Variants in CPEB3 observed in about 807,000 individuals in gnomAD.
CPEB3 encodes the protein cytoplasmic polyadenylation element binding protein 3, also known as cytoplasmic polyadenylation element-binding protein 3.
Under a neutral mutation model 67.2 loss-of-function variants are expected in CPEB3, and 20 were observed. That is an observed-to-expected ratio of 0.30 (90% CI 0.21 to 0.43). CPEB3 has a LOEUF of 0.43. CPEB3 is among the 20% of genes least tolerant of loss of function. The probability of loss-of-function intolerance (pLI) is 1.00; values close to 1 mark genes in which losing one functional copy is unlikely to be tolerated. For missense variants in CPEB3, 746 were observed against 968.6 expected, an observed-to-expected ratio of 0.77 and a Z score of 3.05; for synonymous variants, 376 against 393.1, an observed-to-expected ratio of 0.96 and a Z score of 0.51.
chr10:92,259,372 T>G (rs1852687647), intron 1 of CPEB3, among the ~76,000 whole-genome samples: 1 of 151,714 alleles, frequency 6.6e-6, no homozygotes, highest in African/African-American at 2.4e-5. Flanking sequence ...GAAGCCGAGG[T>G]GGGCAGATCA....
intron 1 of CPEB3, among the ~76,000 whole-genome samples, chr10:92,283,428 C>G (rs1056435332): frequency 6.6e-6 from 1 of 152,174 alleles, no homozygotes. Flanking sequence ...CTCCCCACTT[C>G]CGCTGGAGAT....
At chr10:92,145,291 AG>A (rs1028195239) in intron 4 of CPEB3, among the ~76,000 whole-genome samples, 2 of 152,184 alleles carry the variant, frequency 1.3e-5, no homozygotes, top group African/African-American at 4.8e-5. Flanking sequence ...TTTTTGTGTA[AG>A]GGTAGGCACA....
intron 1 of CPEB3, among the ~76,000 whole-genome samples, chr10:92,271,625 C>T (rs147081665): frequency 6.6e-6 from 1 of 152,316 alleles, no homozygotes; most frequent in Non-Finnish European, 1.5e-5. Flanking sequence ...AGTGATGTTG[C>T]GTCCTTCTCA....
At position 92,059,325 on chromosome 10, in the gene CPEB3, C is replaced by CAAAAAAAA. The variant is rs61034093; in HGVS notation, c.1870-6894_1870-6887dup. Among the ~76,000 whole-genome samples, 4 of 101,228 alleles carry CAAAAAAAA rather than the reference C, an allele frequency of 4.0e-5. 1 individual carries two copies. Among genetic ancestry groups the CAAAAAAAA allele is most frequent in the Non-Finnish European group, 5.9e-5 (3 of 50,730 alleles). 66.4% of individuals were successfully genotyped at this position (101,228 alleles called of 152,430 possible). A position where few individuals can be genotyped will look rare whatever the true frequency, so the allele number is the denominator to read the frequency against. Reference sequence around the variant, plus strand: ...CTGGGTGACAAAAGTGAAACTCTGTCAAAAAAAAAACAAAGAAAAAGCAAA... The same window carrying CAAAAAAAA: ...CTGGGTGACAAAAGTGAAACTCTGTCAAAAAAAAAAAAAAAAAACAAAGAAAAAGCAAA... On this transcript the variant is annotated intron_variant, in intron 9 of 9. Transcript: ENST00000265997.
At chr10:92,104,455 C>T (rs531492459) in intron 7 of CPEB3, among the ~76,000 whole-genome samples, 19 of 148,450 alleles carry the variant, frequency 1.3e-4, no homozygotes, top group African/African-American at 4.2e-4. Flanking sequence ...GGCACGATCT[C>T]GGCTCACTGC....
chr10:92,110,536 C>A (rs977588212), intron 7 of CPEB3, among the ~76,000 whole-genome samples: 6 of 152,218 alleles, frequency 3.9e-5, no homozygotes, highest in Admixed American at 1.3e-4. Context: ...CTCTTAACCA[C>A]AAACTCTGTA....
At chr10:92,257,531 G>A (rs1354645369) in intron 1 of CPEB3, among the ~76,000 whole-genome samples, 1 of 152,006 alleles carries the variant, frequency 6.6e-6, no homozygotes, top group Admixed American at 6.6e-5. Flanking sequence ...CCTGGGCTCA[G>A]GCAATCCTCC....
rs186629503 is a variant in CPEB3 at position 92,093,310 on chromosome 10, T to C, written c.1573-1366A>G. Among the ~76,000 whole-genome samples the C allele has an allele frequency of 3.3e-3, 497 of 152,306 alleles. 2 individuals carry two copies. The highest frequency in any genetic ancestry group is 0.018 in the South Asian group (86 of 4,822). Reference sequence around the variant, plus strand: ...AAGTTGACTTTTCATTTCCTTAGTATTAATGGAATTGTTCATTTCCCCCTT... The same window carrying C: ...AAGTTGACTTTTCATTTCCTTAGTACTAATGGAATTGTTCATTTCCCCCTT... On this transcript the variant is annotated intron_variant, in intron 7 of 9. Transcript: ENST00000265997.
intron 1 of CPEB3, among the ~76,000 whole-genome samples, chr10:92,277,840 G>A (rs1301517028): frequency 1.3e-5 from 2 of 151,950 alleles, no homozygotes; most frequent in Non-Finnish European, 2.9e-5. Flanking sequence ...GCAGTGAGTT[G>A]AGATCGCGCC....
Position 92,169,214 on chromosome 10 carries a change from C to T in CPEB3, c.1222+11749G>A, listed in dbSNP as rs149083742. 9.2e-3 allele frequency among the ~76,000 whole-genome samples: 1,390 copies of T among 151,732 alleles called. 15 individuals carry two copies. Among genetic ancestry groups the T allele is most frequent in the Middle Eastern group, 0.02 (6 of 294 alleles). ...AGTGCAATGGTGCAGTCTCGGCTCA[C>T]TGCAACCTCCACCTCCCAGGTTCAA... On this transcript the variant is annotated intron_variant, in intron 4 of 9. Coordinates refer to ENST00000265997, the MANE Select transcript of CPEB3 (RefSeq NM_014912.5).
At chr10:92,168,422 G>A (rs533212039) in intron 4 of CPEB3, among the ~76,000 whole-genome samples, 2 of 152,280 alleles carry the variant, frequency 1.3e-5, no homozygotes, top group East Asian at 3.9e-4. Context: ...CTTGCTTCAA[G>A]TCTCTCAGCC....
chr10:92,072,672 G>GTT (rs1842793038), intron 9 of CPEB3, among the ~76,000 whole-genome samples: 1 of 152,156 alleles, frequency 6.6e-6, no homozygotes, highest in Non-Finnish European at 1.5e-5. Context: ...ACTTTTGTTT[G>GTT]TTTGTTTGTT....
At chr10:92,108,370 C>T (rs1386670162) in intron 7 of CPEB3, among the ~76,000 whole-genome samples, 1 of 152,098 alleles carries the variant, frequency 6.6e-6, no homozygotes, top group African/African-American at 2.4e-5. Flanking sequence ...TACTTTTTTT[C>T]CCCTCATGGG....
intron 6 of CPEB3, chr10:92,138,333 C>G (rs9919492): frequency 0.066 from 14,156 of 213,390 alleles, 2,083 homozygotes; most frequent in African/African-American, 0.31. Flanking sequence ...ACAACACCTC[C>G]ATTGAGGTGA....
At chr10:92,240,954 G>C (rs143605416) in intron 1 of CPEB3, among the ~76,000 whole-genome samples, 5 of 152,112 alleles carry the variant, frequency 3.3e-5, no homozygotes, top group Non-Finnish European at 7.4e-5. Flanking sequence ...AGCGAACCAC[G>C]AGGGAGGAAT....
chr10:92,106,656 A>C (rs762976162), intron 7 of CPEB3, among the ~76,000 whole-genome samples: 5 of 151,956 alleles, frequency 3.3e-5, no homozygotes, highest in Non-Finnish European at 7.4e-5. Context: ...CTCTACTAAA[A>C]ATACAAAAAT....
chr10:92,081,207 C>A, intron 9 of CPEB3, 113 bp downstream of exon 9: 1 of 1,090,140 alleles, frequency 9.2e-7, no homozygotes, highest in Non-Finnish European at 1.4e-6. Flanking sequence ...TGGACTAATG[C>A]CATGCAAGGT....
At chr10:92,118,618 G>A (rs999032149) in intron 6 of CPEB3, 8 of 488,870 alleles carry the variant, frequency 1.6e-5, no homozygotes, top group African/African-American at 7.8e-5. Context: ...AATTAAAGGA[G>A]ATTAAAGAGA....
At chr10:92,110,870 A>C (rs1844702445) in intron 7 of CPEB3, among the ~76,000 whole-genome samples, 1 of 152,254 alleles carries the variant, frequency 6.6e-6, no homozygotes, top group African/African-American at 2.4e-5. Context: ...ATTTGTTTAC[A>C]CACAGTCCCA....
Sources: allele counts gnomAD v4.1 joint callset (sites outside exome capture counted in the v4.1 genomes callset), GRCh38; gene constraint gnomAD v4.1.1; transcripts MANE v1.5; gene names NCBI Gene and HGNC (gene_info 2026-07-23, HGNC 2026-07-21).